MSRA: variants seen among roughly 807,000 people sequenced by gnomAD.
The protein encoded by MSRA is mitochondrial peptide methionine sulfoxide reductase.
MSRA carries 54 observed loss-of-function variants against 31.3 expected under a neutral mutation model. That is an observed-to-expected ratio of 1.73 (90% CI 1.39 to 2.17). The LOEUF is 2.17. Among genes scored for constraint, MSRA ranks in the 30% most tolerant of loss-of-function variants. The pLI, the probability that MSRA is intolerant of heterozygous loss-of-function variation, is 0.00. For synonymous variants in MSRA, 169 were observed against 116.5 expected, an observed-to-expected ratio of 1.45 and a Z score of -2.90; for missense variants, 507 against 300.9, an observed-to-expected ratio of 1.69 and a Z score of -5.07.
At chr8:10,272,464 C>G (rs1328063129) in intron 3 of MSRA, among the ~76,000 whole-genome samples, 2 of 152,224 alleles carry the variant, frequency 1.3e-5, no homozygotes, top group Non-Finnish European at 2.9e-5. Flanking sequence ...GGAGTCCTTT[C>G]TACTCAAGTG....
intron 5 of MSRA, among the ~76,000 whole-genome samples, chr8:10,365,809 A>G (rs1486439495): frequency 6.6e-6 from 1 of 152,228 alleles, no homozygotes; most frequent in Non-Finnish European, 1.5e-5. Context: ...ACTCGGAGGT[A>G]GAACACCCTG....
intron 1 of MSRA, among the ~76,000 whole-genome samples, chr8:10,065,563 G>A (rs1797414332): frequency 6.6e-6 from 1 of 152,174 alleles, no homozygotes; most frequent in Non-Finnish European, 1.5e-5. Context: ...TGTGAATTTG[G>A]ATATGAAGTT....
intron 1 of MSRA, among the ~76,000 whole-genome samples, chr8:10,134,332 G>A (rs569189981): frequency 6.6e-6 from 1 of 152,348 alleles, no homozygotes; most frequent in Admixed American, 6.5e-5. Flanking sequence ...TTTACCGTTT[G>A]GAAACACAGC....
chr8:10,261,844 C>A (rs1157788938), intron 3 of MSRA, among the ~76,000 whole-genome samples: 2 of 152,166 alleles, frequency 1.3e-5, no homozygotes, highest in Admixed American at 1.3e-4. Flanking sequence ...CCTAAAGATT[C>A]CCTGCGCTCC....
intron 5 of MSRA, among the ~76,000 whole-genome samples, chr8:10,326,754 G>T (rs1802384836): frequency 6.6e-6 from 1 of 152,102 alleles, no homozygotes; most frequent in Non-Finnish European, 1.5e-5. Flanking sequence ...CTAATTGCAA[G>T]ACATCATCTA....
intron 5 of MSRA, among the ~76,000 whole-genome samples, chr8:10,321,418 A>T (rs563376688): frequency 1.3e-5 from 2 of 152,122 alleles, no homozygotes; most frequent in Non-Finnish European, 2.9e-5. Context: ...CAGTTCGACT[A>T]TGATGAGCGG....
intron 1 of MSRA, among the ~76,000 whole-genome samples, chr8:10,087,118 C>G (rs1563418446): frequency 1.3e-5 from 2 of 152,274 alleles, no homozygotes; most frequent in Non-Finnish European, 2.9e-5. Context: ...TGCAAAGTGT[C>G]TTATCTTCCT....
At chr8:10,396,128 AGTT>A (rs1215285715) in intron 5 of MSRA, among the ~76,000 whole-genome samples, 1 of 151,658 alleles carries the variant, frequency 6.6e-6, no homozygotes, top group Non-Finnish European at 1.5e-5. Flanking sequence ...GCCTGTGTGG[AGTT>A]GTTTATTCTT....
chr8:10,359,351 T>A (rs894389713), intron 5 of MSRA, among the ~76,000 whole-genome samples: 1 of 152,176 alleles, frequency 6.6e-6, no homozygotes, highest in African/African-American at 2.4e-5. Flanking sequence ...CAGCTTTTGT[T>A]TTATATACTG....
chr8:10,163,524 G>C (rs1229878236), intron 1 of MSRA, among the ~76,000 whole-genome samples: 2 of 152,216 alleles, frequency 1.3e-5, no homozygotes, highest in Admixed American at 6.5e-5. Context: ...CCTTGGGAGG[G>C]CATCACACCT....
At chr8:10,196,251 C>T (rs1025617765) in intron 1 of MSRA, among the ~76,000 whole-genome samples, 1 of 152,210 alleles carries the variant, frequency 6.6e-6, no homozygotes, top group African/African-American at 2.4e-5. Flanking sequence ...GCCACCTTCT[C>T]TTCGTGCTGT....
chr8:10,256,770 C>T (rs1006596806), intron 3 of MSRA, among the ~76,000 whole-genome samples: 2 of 152,016 alleles, frequency 1.3e-5, no homozygotes, highest in African/African-American at 4.8e-5. Context: ...ATTTCTCTGT[C>T]CCCCCGAGGC....
chr8:10,138,890 C>T (rs1015956733), intron 1 of MSRA, among the ~76,000 whole-genome samples: 4 of 152,190 alleles, frequency 2.6e-5, no homozygotes, highest in African/African-American at 9.7e-5. Flanking sequence ...AGACTCACAG[C>T]AGCAGAGCTA....
At chr8:10,096,604 C>T (rs1012647948) in intron 1 of MSRA, among the ~76,000 whole-genome samples, 5 of 152,154 alleles carry the variant, frequency 3.3e-5, no homozygotes, top group African/African-American at 1.2e-4. Flanking sequence ...TTACTGTAGC[C>T]TGGCTCTCTC....
chr8:10,198,464 C>T (rs1808191514), intron 1 of MSRA, among the ~76,000 whole-genome samples: 1 of 152,092 alleles, frequency 6.6e-6, no homozygotes, highest in Non-Finnish European at 1.5e-5. Flanking sequence ...ATTTATTCTC[C>T]ATGTGTGGGG....
At chr8:10,130,361 AATGTTGACTGCATGTTG>A (rs1252632334) in intron 1 of MSRA, among the ~76,000 whole-genome samples, 1 of 152,200 alleles carries the variant, frequency 6.6e-6, no homozygotes, top group East Asian at 1.9e-4. Context: ...ACTCGGTGAG[AATGTTGACTGCATGTTG>A]ATCCCCACTG....
chr8:10,205,063 G>A (rs1224861430), intron 1 of MSRA, among the ~76,000 whole-genome samples: 1 of 152,212 alleles, frequency 6.6e-6, no homozygotes, highest in African/African-American at 2.4e-5. Flanking sequence ...GCAGGTGCTT[G>A]CAGGCCATGC....
Position 10,151,902 on chromosome 8 carries a change from C to T in MSRA, c.143-55931C>T, listed in dbSNP as rs192960597. ...AAGGTTACCTGGCCTTTTTAAGTGA[C>T]TTGAAATGTTTAGCACAGTTTTAGA... On this transcript the variant is annotated intron_variant, in intron 1 of 5. Transcript: ENST00000317173. 1.1e-4 allele frequency among the ~76,000 whole-genome samples: 17 copies of T among 152,316 alleles called. No individual in the cohort carries two copies. The East Asian group carries it at 3.3e-3, about 29-fold the overall frequency.
At chr8:10,114,023 C>T (rs1409344244) in intron 1 of MSRA, among the ~76,000 whole-genome samples, 2 of 152,162 alleles carry the variant, frequency 1.3e-5, no homozygotes, top group African/African-American at 2.4e-5. Context: ...ATGGATTTGT[C>T]TATTCTGGAC....
Sources: gnomAD v4.1 joint callset for allele counts (sites outside exome capture counted in the v4.1 genomes callset) on GRCh38, gnomAD v4.1.1 for gene constraint, MANE v1.5 for transcripts, NCBI Gene and HGNC (gene_info 2026-07-23, HGNC 2026-07-21) for gene names.